SHLD2: variants seen among roughly 807,000 people sequenced by gnomAD.
SHLD2 encodes shieldin complex subunit 2, also known as RINN1-REV7-interacting novel NHEJ regulator 2.
Under a neutral mutation model 73.2 loss-of-function variants are expected in SHLD2, and 30 were observed. That is an observed-to-expected ratio of 0.41 (90% CI 0.31 to 0.56). The LOEUF (loss-of-function observed/expected upper bound fraction) is 0.56. SHLD2 is among the 20% of genes least tolerant of loss of function. The pLI is 0.28. For missense variants in SHLD2, 745 were observed against 1,055.9 expected (o/e 0.71, Z 4.08); for synonymous variants, 285 against 370.1 (o/e 0.77, Z 2.64).
At chr10:87,186,923 C>CT (rs1297985480) in intron 8 of SHLD2, among the ~76,000 whole-genome samples, 162 bp from the exon 9 acceptor site, 4 of 151,284 alleles carry the variant, frequency 2.6e-5, no homozygotes, top group Non-Finnish European at 5.9e-5. Context: ...AAAAAAAAAC[C>CT]TTTTTTTCCT....
At chr10:87,106,534 A>C (rs755330267) in intron 2 of SHLD2, among the ~76,000 whole-genome samples, 2 of 152,224 alleles carry the variant, frequency 1.3e-5, no homozygotes, top group African/African-American at 2.4e-5. Flanking sequence ...TACAATGATA[A>C]CAGTTTTAAA....
intron 8 of SHLD2, among the ~76,000 whole-genome samples, chr10:87,184,143 T>C (rs1196190698): frequency 6.6e-6 from 1 of 152,198 alleles, no homozygotes; most frequent in Non-Finnish European, 1.5e-5. Context: ...GCACACCATC[T>C]ACCCAATTAT....
chr10:87,124,969 C>G (rs1250723566), intron 2 of SHLD2, among the ~76,000 whole-genome samples: 4 of 152,068 alleles, frequency 2.6e-5, no homozygotes, highest in African/African-American at 9.7e-5. Context: ...TCTCTAACTC[C>G]TGGGTTCAGG....
Position 87,170,517 on chromosome 10 carries a change from T to G in SHLD2, c.1673T>G (p.Leu558Arg). ...VVSEVVLQDL[L>R]AYVSSKHSYL... ...AGTGAAGTTGTACTTCAAGACTTAC[T>G]GGCATATGTGTCCTCAAAACATTCC... is the stretch of plus-strand genomic sequence containing the variant. Residue 558 changes from leucine (L) to arginine (R), a missense_variant, in exon 5 of 10, where the codon CTG (leucine) becomes CGG (arginine). Physicochemically the swap from Leu to Arg is moderately radical, Grantham distance 102. This residue lies in a region of SHLD2 where 418 missense variants were observed against 567.8 expected (regional missense o/e 0.74). Transcript: ENST00000298786. 6.2e-7 allele frequency: 1 copy of G among 1,607,218 alleles called. No homozygotes were observed. The highest frequency in any genetic ancestry group is 1.1e-5 in the South Asian group (1 of 89,242).
chr10:87,105,216 G>A (rs116979398), intron 2 of SHLD2, among the ~76,000 whole-genome samples: 3 of 152,126 alleles, frequency 2.0e-5, no homozygotes, highest in African/African-American at 7.2e-5. Context: ...GGTGTTAGAG[G>A]ATAATAAGAA....
At chr10:87,126,253 AT>A (rs954772689) in intron 2 of SHLD2, among the ~76,000 whole-genome samples, 1 of 151,926 alleles carries the variant, frequency 6.6e-6, no homozygotes, top group Non-Finnish European at 1.5e-5. Context: ...TAATTTTTAA[AT>A]TTTTTTGTAG....
At chr10:87,120,699 T>C (rs563399147) in intron 2 of SHLD2, among the ~76,000 whole-genome samples, 11 of 152,296 alleles carry the variant, frequency 7.2e-5, no homozygotes, top group African/African-American at 2.6e-4. Flanking sequence ...AAAAGCTGTA[T>C]TGAAGAGAGA....
intron 2 of SHLD2, among the ~76,000 whole-genome samples, chr10:87,112,685 C>T (rs1843003271): frequency 6.7e-6 from 1 of 150,154 alleles, no homozygotes; most frequent in Non-Finnish European, 1.5e-5. Flanking sequence ...AATTCACACC[C>T]ACTAGAATGA....
Position 87,107,879 on chromosome 10 carries a change from TTTTG to T in SHLD2, c.-6+10902_-6+10905del, listed in dbSNP as rs995435274. ...TTTTTTTTTATTTTTAGAGATGACT[TTTTG>T]TTTGTTTGTTTTTTGTTTTTTGAGG... On this transcript the variant is annotated intron_variant, in intron 2 of 9. Coordinates refer to ENST00000298786, the MANE Select transcript of SHLD2 (RefSeq NM_001330112.2). Among the ~76,000 whole-genome samples the T allele has an allele frequency of 4.6e-4, 70 of 152,080 alleles. 1 individual carries two copies. Among genetic ancestry groups the T allele is most frequent in the African/African-American group, 1.7e-3 (69 of 41,500 alleles).
intron 8 of SHLD2, among the ~76,000 whole-genome samples, chr10:87,184,095 A>G (rs528559491): frequency 6.6e-6 from 1 of 152,122 alleles, no homozygotes; most frequent in South Asian, 2.1e-4. Context: ...ACCACACTCA[A>G]ATCTAGTTCT....
chr10:87,139,585 A>T lies in SHLD2; in HGVS notation c.-5-11765A>T, dbSNP rs186038304. Among the ~76,000 whole-genome samples, 35 of 152,316 alleles carry T rather than the reference A, an allele frequency of 2.3e-4. No homozygotes were observed. In the East Asian group the frequency reaches 6.4e-3, roughly 28 times the overall value. ...AATGAATGATAGATAAAAAGACACA[A>T]GCCAGATATGGTGACTCACGCCTAC... is the stretch of plus-strand genomic sequence containing the variant. On this transcript the variant is annotated intron_variant, in intron 2 of 9. Transcript: ENST00000298786.
intron 9 of SHLD2, among the ~76,000 whole-genome samples, chr10:87,187,673 TG>T (rs1393254278): frequency 6.6e-6 from 1 of 152,256 alleles, no homozygotes; most frequent in East Asian, 1.9e-4. Flanking sequence ...TGAGCTAATC[TG>T]GTTCCGTGAT....
At chr10:87,187,708 T>G (rs565498896) in intron 9 of SHLD2, among the ~76,000 whole-genome samples, 1 of 152,336 alleles carries the variant, frequency 6.6e-6, no homozygotes, top group South Asian at 2.1e-4. Flanking sequence ...AATAGTAGAT[T>G]GTTTTTCGTG....
intron 2 of SHLD2, among the ~76,000 whole-genome samples, chr10:87,106,794 A>G (rs1310822311): frequency 6.6e-6 from 1 of 152,224 alleles, no homozygotes; most frequent in African/African-American, 2.4e-5. Context: ...GATTAAAATA[A>G]GAGGGCTAAA....
intron 9 of SHLD2, among the ~76,000 whole-genome samples, chr10:87,190,279 G>A (rs932497660): frequency 5.3e-5 from 8 of 152,144 alleles, no homozygotes; most frequent in African/African-American, 7.2e-5. Flanking sequence ...GGCATGTCTC[G>A]CACTCCTGAC....
chr10:87,150,061 A>ATTTT (rs569408745), intron 2 of SHLD2, among the ~76,000 whole-genome samples: 16 of 114,946 alleles, frequency 1.4e-4, no homozygotes, highest in Non-Finnish European at 1.4e-4. Context: ...AAAATGAGTA[A>ATTTT]TTTTTTTTTT....
chr10:87,179,945 G>A (rs1255563505), intron 7 of SHLD2, 130 bp from the exon 8 acceptor site: 9 of 696,228 alleles, frequency 1.3e-5, no homozygotes, highest in Admixed American at 7.3e-5. Context: ...TAAAGAAGAC[G>A]AAGAACAAGA....
chr10:87,186,022 C>A (rs974278630), intron 8 of SHLD2, among the ~76,000 whole-genome samples: 2 of 152,122 alleles, frequency 1.3e-5, no homozygotes, highest in Non-Finnish European at 2.9e-5. Flanking sequence ...TTCTTCCTAT[C>A]CCTCTACAGT....
rs1455113806 is a variant in SHLD2 at position 87,123,229 on chromosome 10, A to G, written c.-6+26240A>G. Among the ~76,000 whole-genome samples the G allele has an allele frequency of 3.3e-5, 5 of 152,354 alleles. No individual in the cohort carries two copies. The East Asian group carries it at 9.6e-4, about 29-fold the overall frequency. On this transcript the variant is annotated intron_variant, in intron 2 of 9. Transcript: ENST00000298786. ...TTTTAAAGGGATACCAAAATAATCA[A>G]CATTTATTTTAGAAGGTGACTTTCT...
Sources: allele counts gnomAD v4.1 joint callset (sites outside exome capture counted in the v4.1 genomes callset), GRCh38; gene constraint gnomAD v4.1.1; regional missense constraint gnomAD v4.1.1; transcripts MANE v1.5; gene names NCBI Gene and HGNC (gene_info 2026-07-23, HGNC 2026-07-21).